The following ZNF83 variants were observed in gnomAD, a reference collection of about 807,000 sequenced individuals.
The protein encoded by ZNF83 is zinc finger protein 83.
For missense variants in ZNF83, 552 were observed against 629.9 expected (o/e 0.88, Z 1.32); for synonymous variants, 209 against 213.0 (o/e 0.98, Z 0.17).
At chr19:52,614,360 G>GAGAAATGTGGGTTTTGACAGTAGAAGA in exon 3 of ZNF83, 1 of 1,612,912 alleles carries the variant, frequency 6.2e-7, no homozygotes, top group Non-Finnish European at 8.5e-7. Context: ...TCATATGTAT[G>GAGAAATGTGGGTTTTGACAGTAGAAGA]AGAAATGTGG....
chr19:52,614,114 A>AT lies in ZNF83; in HGVS notation c.450dup (p.Cys151MetfsTer2), dbSNP rs1284384761. The AT allele has an allele frequency of 1.2e-6, 2 of 1,613,926 alleles. No individual in the cohort carries two copies. Among genetic ancestry groups the AT allele is most frequent in the Admixed American group, 3.3e-5 (2 of 59,992 alleles). Reference sequence around the variant, plus strand: ...TGGAAGACCTTGCCACATTCATTACATTTATATGGCTTCTCTCCAGTATGA... The same window carrying AT: ...TGGAAGACCTTGCCACATTCATTACATTTTATATGGCTTCTCTCCAGTATGA... On this transcript the variant is annotated frameshift_variant, in exon 3 of 3. Coordinates refer to ENST00000301096, the Ensembl canonical transcript of ZNF83. LOFTEE classifies it low-confidence loss of function (END_TRUNC).
chr19:52,645,810 C>CT (rs976316098), intron 3 of ZNF83, among the ~76,000 whole-genome samples: 4 of 148,308 alleles, frequency 2.7e-5, no homozygotes, highest in Non-Finnish European at 5.9e-5. Context: ...CTGCCCCCCC[C>CT]CAAAAAAAGG....
At chr19:52,669,845 C>T (rs2061700203) in intron 1 of ZNF83, among the ~76,000 whole-genome samples, 1 of 152,156 alleles carries the variant, frequency 6.6e-6, no homozygotes, top group Non-Finnish European at 1.5e-5. Context: ...CTAAAATCTC[C>T]CTTAACTATC....
intron 3 of ZNF83, among the ~76,000 whole-genome samples, chr19:52,643,455 AC>A (rs2061334109): frequency 8.1e-6 from 1 of 123,230 alleles, no homozygotes; most frequent in African/African-American, 3.2e-5. Flanking sequence ...TAATCCTAGC[AC>A]GTTGGGAGGC....
upstream of ZNF83, among the ~76,000 whole-genome samples, chr19:52,639,825 G>T (rs1321365807): frequency 6.6e-6 from 1 of 152,022 alleles, no homozygotes; most frequent in Non-Finnish European, 1.5e-5. Context: ...AATAGTGAAA[G>T]AAATAAAAAC....
chr19:52,629,501 C>T lies in ZNF83; in HGVS notation c.-234+5565G>A, dbSNP rs903124312. 4.6e-5 allele frequency among the ~76,000 whole-genome samples: 7 copies of T among 152,154 alleles called. No homozygotes were observed. In the East Asian group the frequency reaches 7.7e-4, roughly 17 times the overall value. Reference sequence around the variant, plus strand: ...TCCCAATTCTTCCTCAGCCTCCGCTCCTCCACCCTGTAATCTTTTTATCAC... The same window carrying T: ...TCCCAATTCTTCCTCAGCCTCCGCTTCTCCACCCTGTAATCTTTTTATCAC... On this transcript the variant is annotated intron_variant, in intron 2 of 2. Coordinates refer to ENST00000301096, the Ensembl canonical transcript of ZNF83.
intron 2 of ZNF83, among the ~76,000 whole-genome samples, chr19:52,657,077 C>T (rs945675204): frequency 1.3e-5 from 2 of 152,072 alleles, no homozygotes; most frequent in African/African-American, 2.4e-5. Flanking sequence ...GATTGCACCA[C>T]TGCACTCCAG....
At chr19:52,653,938 G>T in intron 3 of ZNF83, 1 of 1,127,242 alleles carries the variant, frequency 8.9e-7, no homozygotes, top group Non-Finnish European at 1.3e-6. Flanking sequence ...CTGGATTTGT[G>T]TCAATAATGA....
chr19:52,627,295 T>C (rs1468887829), intron 2 of ZNF83, among the ~76,000 whole-genome samples: 1 of 152,084 alleles, frequency 6.6e-6, no homozygotes, highest in African/African-American at 2.4e-5. Context: ...TGGTGGTCTC[T>C]TCACACAGAC....
intron 2 of ZNF83, among the ~76,000 whole-genome samples, chr19:52,630,906 A>G (rs566191109): frequency 6.6e-6 from 1 of 152,158 alleles, no homozygotes; most frequent in Admixed American, 6.6e-5. Flanking sequence ...AGGTTAGTTC[A>G]GGATCTGCAC....
At chr19:52,616,339 T>C (rs192665464) in intron 2 of ZNF83, among the ~76,000 whole-genome samples, 55 of 152,242 alleles carry the variant, frequency 3.6e-4, no homozygotes, top group South Asian at 6.2e-4. Flanking sequence ...TTCTTAAAAG[T>C]GGATGCAGTA....
intron 1 of ZNF83, among the ~76,000 whole-genome samples, chr19:52,665,685 CCA>C (rs1872175961): frequency 6.6e-6 from 1 of 152,118 alleles, no homozygotes; most frequent in Non-Finnish European, 1.5e-5. Context: ...ACCACTCACC[CCA>C]TCACTCTTTT....
intron 1 of ZNF83, among the ~76,000 whole-genome samples, chr19:52,690,182 G>GAAAA (rs35717855): frequency 4.5e-5 from 6 of 132,188 alleles, no homozygotes; most frequent in African/African-American, 1.7e-4. Flanking sequence ...ATGATTTTGA[G>GAAAA]AAAAAAAAAA....
At position 52,657,113 on chromosome 19, in the gene ZNF83, C is replaced by T. The variant is rs1305522147; in HGVS notation, c.-200-1426G>A. ...CCTGGGGGACACAGCGAGACCCTATCACCCCCACCCTCCCAAAAGTTGGAA... is the reference window on the plus strand; with the variant it reads ...CCTGGGGGACACAGCGAGACCCTATTACCCCCACCCTCCCAAAAGTTGGAA... On this transcript the variant is annotated intron_variant, in intron 2 of 5. Coordinates refer to the ZNF83 transcript ENST00000594682. Among the ~76,000 whole-genome samples, 3 of 151,446 alleles carry T rather than the reference C, an allele frequency of 2.0e-5. No individual in the cohort carries two copies. In the East Asian group the frequency reaches 5.9e-4, roughly 30 times the overall value.
At chr19:52,655,432 A>G (rs1406253205) in intron 3 of ZNF83, 1 of 873,502 alleles carries the variant, frequency 1.1e-6, no homozygotes, top group East Asian at 2.5e-5. Flanking sequence ...GAGGATCATC[A>G]CTGCAGAAAA....
At chr19:52,615,413 C>T (rs991159491) in intron 2 of ZNF83, among the ~76,000 whole-genome samples, 7 of 152,106 alleles carry the variant, frequency 4.6e-5, no homozygotes, top group Non-Finnish European at 8.8e-5. Context: ...GTACTTGCTT[C>T]CTCTCACTCT....
At chr19:52,655,649 A>G in exon 3 of ZNF83, 1 of 1,372,706 alleles carries the variant, frequency 7.3e-7, no homozygotes, top group Non-Finnish European at 1.0e-6. Flanking sequence ...ACTCCTCCAA[A>G]GAGAATTCTA....
chr19:52,678,034 A>C (rs954342849), intron 1 of ZNF83, among the ~76,000 whole-genome samples: 23 of 151,056 alleles, frequency 1.5e-4, no homozygotes, highest in Non-Finnish European at 2.5e-4. Context: ...GACTGTCTCA[A>C]AAAACAAAAC....
At chr19:52,643,526 C>A (rs148956678) in intron 3 of ZNF83, among the ~76,000 whole-genome samples, 1,759 of 151,888 alleles carry the variant, frequency 0.012, 16 homozygotes, top group Non-Finnish European at 0.019. Context: ...ACAGTGAAAC[C>A]CCATCTTTAC....
Sources: gnomAD v4.1 joint callset for allele counts (sites outside exome capture counted in the v4.1 genomes callset) on GRCh38, gnomAD v4.1.1 for gene constraint, MANE v1.5 for transcripts, NCBI Gene and HGNC (gene_info 2026-07-23, HGNC 2026-07-21) for gene names.